CNTN5: variants seen among roughly 807,000 people sequenced by gnomAD.
CNTN5 encodes the protein contactin-5.
Under a neutral mutation model 129.1 loss-of-function variants are expected in CNTN5, and 77 were observed. That is an observed-to-expected ratio of 0.60 (90% CI 0.50 to 0.72). The LOEUF is 0.72. CNTN5 is among the 30% of genes least tolerant of loss of function. CNTN5 has a pLI of 0.00. For synonymous variants in CNTN5, 509 were observed against 465.6 expected, an observed-to-expected ratio of 1.09 and a Z score of -1.20; for missense variants, 1,478 against 1,328.8, an observed-to-expected ratio of 1.11 and a Z score of -1.75.
At chr11:100,159,736 T>C (rs776203339) in intron 13 of CNTN5, among the ~76,000 whole-genome samples, 2 of 151,900 alleles carry the variant, frequency 1.3e-5, no homozygotes, top group Non-Finnish European at 2.9e-5. Context: ...AAGGTGACAA[T>C]AGAGCACATG....
At chr11:99,729,600 C>G (rs1943461887) in intron 3 of CNTN5, among the ~76,000 whole-genome samples, 1 of 152,078 alleles carries the variant, frequency 6.6e-6, no homozygotes. Flanking sequence ...ATCACATGGT[C>G]TTCCACAATG....
chr11:99,065,708 T>G (rs140340466), intron 1 of CNTN5, among the ~76,000 whole-genome samples: 1 of 151,902 alleles, frequency 6.6e-6, no homozygotes, highest in African/African-American at 2.4e-5. Flanking sequence ...CCTACACATG[T>G]GGACAGATAT....
At chr11:99,366,155 G>A (rs1939432233) in intron 2 of CNTN5, among the ~76,000 whole-genome samples, 1 of 152,092 alleles carries the variant, frequency 6.6e-6, no homozygotes, top group African/African-American at 2.4e-5. Context: ...TTGCTGGTTT[G>A]CTCACTAATG....
Position 99,255,652 on chromosome 11 carries a change from G to T in CNTN5, c.-209-69694G>T, listed in dbSNP as rs1053263028. Among the ~76,000 whole-genome samples the T allele has an allele frequency of 3.3e-5, 5 of 151,572 alleles. No homozygotes were observed. In the East Asian group the frequency reaches 9.7e-4, roughly 29 times the overall value. ...TATTTGTTAGTTAATGAAAAATAAA[G>T]AGCTAGTTTCTAATTTGAAAGCTTC... is the stretch of plus-strand genomic sequence containing the variant. On this transcript the variant is annotated intron_variant, in intron 1 of 24. Transcript: ENST00000524871.
At chr11:99,555,404 TTAG>T (rs2135534860) in intron 2 of CNTN5, among the ~76,000 whole-genome samples, 1 of 152,128 alleles carries the variant, frequency 6.6e-6, no homozygotes, top group Non-Finnish European at 1.5e-5. Flanking sequence ...TGCAGAAAGT[TTAG>T]TGTCAGAATT....
intron 6 of CNTN5, among the ~76,000 whole-genome samples, chr11:99,875,949 T>C (rs1409489277): frequency 3.3e-5 from 5 of 152,156 alleles, no homozygotes; most frequent in African/African-American, 1.2e-4. Context: ...TTTTATATGC[T>C]TTAATTAACA....
chr11:100,071,726 G>A lies in CNTN5; in HGVS notation c.1321G>A (p.Gly441Arg). The A allele has an allele frequency of 6.3e-7, 1 of 1,591,334 alleles. No individual in the cohort carries two copies. Reference sequence around the variant, plus strand: ...ACAGAGTAGGGTTGAGATGGTTAATGGAGTATTGATGATCCACAATGTGAA... The same window carrying A: ...ACAGAGTAGGGTTGAGATGGTTAATAGAGTATTGATGATCCACAATGTGAA... Reference protein sequence around the residue: ...SPQSRVEMVNGVLMIHNVNQS... With the variant: ...SPQSRVEMVNRVLMIHNVNQS... Residue 441 changes from glycine (G) to arginine (R), a missense_variant, in exon 12 of 25, where the codon GGA becomes AGA. Gly to Arg is a moderately radical substitution (Grantham distance 125). Coordinates refer to ENST00000524871, the MANE Select transcript of CNTN5 (RefSeq NM_014361.4).
chr11:99,321,869 A>T (rs1158252799), intron 1 of CNTN5, among the ~76,000 whole-genome samples: 1 of 152,136 alleles, frequency 6.6e-6, no homozygotes, highest in Non-Finnish European at 1.5e-5. Context: ...CATAACCTCC[A>T]TCTCTGCCAG....
chr11:99,574,353 T>A (rs1381074566), intron 3 of CNTN5, among the ~76,000 whole-genome samples: 2 of 152,224 alleles, frequency 1.3e-5, no homozygotes, highest in Non-Finnish European at 2.9e-5. Context: ...TTGTGAATAG[T>A]GCTGCAATAA....
chr11:99,779,354 A>T (rs577246697), intron 3 of CNTN5, among the ~76,000 whole-genome samples: 1 of 152,146 alleles, frequency 6.6e-6, no homozygotes, highest in Non-Finnish European at 1.5e-5. Flanking sequence ...TATTTCAAGC[A>T]AAGTAGTTAT....
chr11:100,051,206 T>C (rs373968968), intron 9 of CNTN5, among the ~76,000 whole-genome samples: 3 of 152,138 alleles, frequency 2.0e-5, no homozygotes, highest in Admixed American at 1.3e-4. Flanking sequence ...AATACACTTA[T>C]CTGCACATGG....
intron 3 of CNTN5, among the ~76,000 whole-genome samples, chr11:99,793,536 A>G (rs901095086): frequency 6.6e-6 from 1 of 152,126 alleles, no homozygotes; most frequent in Non-Finnish European, 1.5e-5. Context: ...AGATCTTGCT[A>G]AATTTTTCAG....
intron 2 of CNTN5, among the ~76,000 whole-genome samples, chr11:99,466,529 C>T (rs889728395): frequency 1.6e-4 from 24 of 151,912 alleles, no homozygotes; most frequent in Admixed American, 1.5e-3. Context: ...ATAAAGACTG[C>T]AAAGAGAGGC....
intron 8 of CNTN5, among the ~76,000 whole-genome samples, chr11:99,959,937 T>A (rs184638912): frequency 0.011 from 1,585 of 150,204 alleles, 25 homozygotes; most frequent in African/African-American, 0.034. Flanking sequence ...ATTTTTTTTT[T>A]AAATCCACAT....
chr11:99,259,679 T>C (rs975272875), intron 1 of CNTN5, among the ~76,000 whole-genome samples: 4 of 151,890 alleles, frequency 2.6e-5, no homozygotes, highest in Admixed American at 6.6e-5. Context: ...TGTTAGTGTG[T>C]GTTTTATGTG....
At chr11:99,191,364 A>ATTATCTTTCCTTCAAT (rs1164440983) in intron 1 of CNTN5, among the ~76,000 whole-genome samples, 3 of 151,724 alleles carry the variant, frequency 2.0e-5, no homozygotes, top group Non-Finnish European at 4.4e-5. Flanking sequence ...GTTTGGAAAT[A>ATTATCTTTCCTTCAAT]TTATCTTTCC....
chr11:100,151,688 T>A (rs140301057), intron 13 of CNTN5, among the ~76,000 whole-genome samples: 106 of 152,324 alleles, frequency 7.0e-4, no homozygotes, highest in African/African-American at 2.5e-3. Context: ...TTCCCAGATT[T>A]TATTAAATTA....
Position 100,350,884 on chromosome 11 carries a change from C to T in CNTN5, c.3199+14C>T, listed in dbSNP as rs201765987. On this transcript the variant is annotated intron_variant, in intron 24 of 24. Coordinates refer to ENST00000524871, the MANE Select transcript of CNTN5 (RefSeq NM_014361.4). ...CATCATATTCAGGTAAGTTTTGACA[C>T]AGTAGATTTAATTTGCTGACAACCA... The T allele has an allele frequency of 1.0e-5, 16 of 1,524,250 alleles. No individual in the cohort carries two copies. Among genetic ancestry groups the T allele is most frequent in the African/African-American group, 9.7e-5 (7 of 71,968 alleles). 94.4% of individuals were successfully genotyped at this position (1,524,250 alleles called of 1,614,324 possible). A position where few individuals can be genotyped will look rare whatever the true frequency, so the allele number is the denominator to read the frequency against.
intron 6 of CNTN5, among the ~76,000 whole-genome samples, chr11:99,878,080 C>T (rs1013454388): frequency 6.6e-6 from 1 of 152,186 alleles, no homozygotes; most frequent in Non-Finnish European, 1.5e-5. Flanking sequence ...TACATTATAA[C>T]TGTACCAAAA....
Sources: gnomAD v4.1 joint callset for allele counts (sites outside exome capture counted in the v4.1 genomes callset) on GRCh38, gnomAD v4.1.1 for gene constraint, MANE v1.5 for transcripts, NCBI Gene and HGNC (gene_info 2026-07-23, HGNC 2026-07-21) for gene names.